COL18A1: variants seen among roughly 807,000 people sequenced by gnomAD.
COL18A1 encodes the protein collagen alpha-1(XVIII) chain.
A neutral mutation model predicts 168.0 loss-of-function variants in COL18A1; 133 were observed. The ratio of observed to expected loss-of-function variants is 0.79; its 90% CI spans 0.69 to 0.91. COL18A1 has a LOEUF of 0.91. COL18A1 is among the 40% of genes least tolerant of loss of function. COL18A1 has a pLI of 0.00. For missense variants in COL18A1, 2,126 were observed against 1,925.4 expected (o/e 1.10, Z -1.95); for synonymous variants, 949 against 809.0 (o/e 1.17, Z -2.94).
intron 2 of COL18A1, among the ~76,000 whole-genome samples, chr21:45,449,556 G>T (rs1395179644): frequency 1.3e-5 from 2 of 152,184 alleles, no homozygotes; most frequent in African/African-American, 4.8e-5. Flanking sequence ...CACCGTGGGG[G>T]AGAGAATGGG....
intron 38 of COL18A1, 36 bp from the exon 39 acceptor site, chr21:45,509,319 TC>T (rs749103235): frequency 2.6e-6 from 4 of 1,533,854 alleles, no homozygotes; most frequent in Non-Finnish European, 1.7e-6. Context: ...ACCCGGAGGG[TC>T]CCCCCGCCGA....
chr21:45,510,347 G>A (rs2037504986), intron 40 of COL18A1, 86 bp downstream of exon 40: 3 of 1,440,858 alleles, frequency 2.1e-6, no homozygotes, highest in Non-Finnish European at 2.9e-6. Flanking sequence ...CTCCCCTCTA[G>A]GGCCTCTGGA....
rs781489276 is a variant in COL18A1 at position 45,477,451 on chromosome 21, C to T, written c.969C>T (p.Asp323=). 40 of 1,612,716 alleles carry T rather than the reference C, an allele frequency of 2.5e-5. No individual in the cohort carries two copies. The highest frequency in any genetic ancestry group is 1.3e-4 in the African/African-American group (10 of 74,892). The stretch of plus-strand genomic sequence containing the variant: ...GCTCAGATTCTGTCTCCACGTGGGA[C>T]GGGAGTGTCCGGACCCCTGGGGGCC... The part of the protein sequence containing the change: ...LPGSDSVSTW[D]GSVRTPGGRV... Residue 323 remains aspartate (D), a synonymous_variant, in exon 7 of 42, where the codon GAC becomes GAT. Transcript: ENST00000651438.
intron 36 of COL18A1, 147 bp downstream of exon 36, chr21:45,505,578 A>G: frequency 1.5e-6 from 1 of 680,792 alleles, no homozygotes; most frequent in Non-Finnish European, 2.6e-6. Context: ...AAGCGGGGCC[A>G]GGCCATGGGG....
chr21:45,457,276 A>G lies in COL18A1; in HGVS notation c.107-10966A>G, dbSNP rs2034867286. On this transcript the variant is annotated intron_variant, in intron 2 of 41. Transcript: ENST00000651438. The surrounding 1 kb of genome is among the most constrained non-coding windows in gnomAD (Gnocchi z 4.6). ...TTCCCGCTCAGGTGTGGCTGCATCG[A>G]CCTTGCTCCGGTCACTAAGCTGCAC... Among the ~76,000 whole-genome samples, 1 of 152,082 alleles carries G rather than the reference A, an allele frequency of 6.6e-6. No individual in the cohort carries two copies. Among genetic ancestry groups the G allele is most frequent in the South Asian group, 2.1e-4 (1 of 4,824 alleles).
intron 2 of COL18A1, among the ~76,000 whole-genome samples, chr21:45,452,151 C>A (rs1019224958): frequency 2.0e-5 from 3 of 152,384 alleles, no homozygotes; most frequent in African/African-American, 7.2e-5. Context: ...GCACCCAGAT[C>A]CTGGAACGAG....
chr21:45,410,513 G>T (rs1423179479), intron 2 of COL18A1, among the ~76,000 whole-genome samples: 3 of 152,180 alleles, frequency 2.0e-5, no homozygotes, highest in African/African-American at 7.2e-5. Flanking sequence ...AGGAGGGAGC[G>T]TGATTGGTTA....
intron 2 of COL18A1, among the ~76,000 whole-genome samples, chr21:45,416,454 G>A (rs957912837): frequency 3.9e-5 from 6 of 152,184 alleles, no homozygotes; most frequent in African/African-American, 9.7e-5. Context: ...GGGGGTGGCC[G>A]GGGCAGGGCG....
intron 2 of COL18A1, among the ~76,000 whole-genome samples, chr21:45,415,297 C>A (rs1028349618): frequency 9.9e-5 from 15 of 152,136 alleles, no homozygotes; most frequent in Non-Finnish European, 2.1e-4. Flanking sequence ...TCCTGCACAC[C>A]CAGGGCCACC....
At chr21:45,480,282 G>A (rs2035846413) in intron 11 of COL18A1, 126 bp downstream of exon 11, 1 of 1,207,628 alleles carries the variant, frequency 8.3e-7, no homozygotes, top group Admixed American at 2.0e-5. Flanking sequence ...GAGCTGAGGG[G>A]TCACAGGTGT....
At chr21:45,494,357 TC>T in intron 26 of COL18A1, 187 bp from the exon 27 acceptor site, 1 of 716,572 alleles carries the variant, frequency 1.4e-6, no homozygotes, top group South Asian at 1.6e-5. Context: ...GCTCCTGTCC[TC>T]CCCAGGGCTG....
At chr21:45,417,844 G>C (rs2838914) in intron 2 of COL18A1, among the ~76,000 whole-genome samples, 4,011 of 152,304 alleles carry the variant, frequency 0.026, 174 homozygotes, top group African/African-American at 0.089. Flanking sequence ...AGGGTGGGGA[G>C]AATTGCACCG....
At chr21:45,456,904 C>T (rs925230871) in intron 2 of COL18A1, 16 of 1,408,690 alleles carry the variant, frequency 1.1e-5, no homozygotes, top group Admixed American at 3.2e-5. Flanking sequence ...CCCCGATCTC[C>T]CCACCCTTTC....
chr21:45,428,157 G>A (rs916855305), intron 2 of COL18A1, among the ~76,000 whole-genome samples: 2 of 152,202 alleles, frequency 1.3e-5, no homozygotes, highest in Non-Finnish European at 1.5e-5. Context: ...GGGGTCCGGC[G>A]CTCCTGCAGG....
At chr21:45,455,145 C>T (rs981578248) in intron 2 of COL18A1, among the ~76,000 whole-genome samples, 15 of 152,228 alleles carry the variant, frequency 9.9e-5, no homozygotes, top group African/African-American at 3.4e-4. Context: ...GGCTGGGGGC[C>T]GCTGCCTCAG....
intron 2 of COL18A1, among the ~76,000 whole-genome samples, chr21:45,446,731 G>A (rs1210874132): frequency 3.3e-5 from 5 of 151,204 alleles, no homozygotes; most frequent in Non-Finnish European, 5.9e-5. Context: ...TTTATCTTAC[G>A]AATTATGGAC....
chr21:45,410,962 C>T (rs1156736798), intron 2 of COL18A1, among the ~76,000 whole-genome samples: 1 of 152,244 alleles, frequency 6.6e-6, no homozygotes, highest in East Asian at 1.9e-4. Flanking sequence ...AGTCCACACA[C>T]CCTATGGCCT....
chr21:45,470,187 G>A (rs1017723612), intron 3 of COL18A1, among the ~76,000 whole-genome samples: 3 of 151,952 alleles, frequency 2.0e-5, no homozygotes, highest in Non-Finnish European at 4.4e-5. Context: ...AGGAAGAGGG[G>A]GTCTGGGTGT....
intron 2 of COL18A1, 85 bp downstream of exon 2, chr21:45,405,558 C>T: frequency 5.9e-6 from 5 of 846,922 alleles, no homozygotes; most frequent in Non-Finnish European, 7.7e-6. Context: ...GGCTCCCTCA[C>T]CCCCGCCCCG....
Sources: allele counts gnomAD v4.1 joint callset (sites outside exome capture counted in the v4.1 genomes callset), GRCh38; gene constraint gnomAD v4.1.1; non-coding constraint Gnocchi (gnomAD v3.1); transcripts MANE v1.5; gene names NCBI Gene and HGNC (gene_info 2026-07-23, HGNC 2026-07-21).